Variants in SIN3A observed in about 807,000 individuals in gnomAD.
SIN3A encodes paired amphipathic helix protein Sin3a.
SIN3A carries 14 observed loss-of-function variants against 146.1 expected under a neutral mutation model. That is an observed-to-expected ratio of 0.10 (90% CI 0.06 to 0.15). The LOEUF (loss-of-function observed/expected upper bound fraction) is 0.15. Ranked by LOEUF, SIN3A falls within the 10% of genes least tolerant of loss-of-function variation. SIN3A has a pLI of 1.00. For synonymous variants in SIN3A, 572 were observed against 572.0 expected (o/e 1.00, Z 0.00); for missense variants, 1,028 against 1,576.0 (o/e 0.65, Z 5.89).
intron 14 of SIN3A, among the ~76,000 whole-genome samples, chr15:75,393,038 T>C (rs1048866955): frequency 2.6e-5 from 4 of 152,150 alleles, no homozygotes; most frequent in Non-Finnish European, 2.9e-5. Flanking sequence ...GAGATCAGCC[T>C]GGCCAATATG....
chr15:75,400,903 G>T lies in SIN3A; in HGVS notation c.1564C>A (p.Leu522Met). Residue 522 changes from leucine to methionine, a missense_variant, in exon 11 of 21, where the codon CTG becomes ATG. Physicochemically the swap from Leu to Met is conservative, Grantham distance 15. Transcript: ENST00000394947. ...PELFNWFKNF[L>M]GYKESVHLET... The stretch of plus-strand genomic sequence containing the variant: ...AGATGTACAGACTCCTTATAGCCCA[G>T]AAAGTTTTTAAACCAATTAAACAAC... 1.2e-6 allele frequency: 2 copies of T among 1,613,898 alleles called. No individual in the cohort carries two copies. Among genetic ancestry groups the T allele is most frequent in the Non-Finnish European group, 1.7e-6 (2 of 1,179,998 alleles).
At chr15:75,406,057 T>C (rs1231056397) in intron 9 of SIN3A, among the ~76,000 whole-genome samples, 12 of 152,110 alleles carry the variant, frequency 7.9e-5, no homozygotes, top group Admixed American at 7.9e-4. Flanking sequence ...ATCACGGAGA[T>C]GTTAAATCAT....
At chr15:75,455,321 G>A (rs1026093759), upstream of SIN3A, among the ~76,000 whole-genome samples, 2 of 152,142 alleles carry the variant, frequency 1.3e-5, no homozygotes, top group Non-Finnish European at 1.5e-5. Context: ...GCCGCCCCCT[G>A]CCGAGCCCGC....
In SIN3A at chr15:75,369,519, GT is replaced by G. The variant is rs2072686269; in HGVS notation, c.*2459del. Reference sequence around the variant, plus strand: ...TGCTGCTGCATATAATACAGGTTGGGTTTAGAGCTTGGAGCTCAGATGTCAG... The same window carrying G: ...TGCTGCTGCATATAATACAGGTTGGGTTAGAGCTTGGAGCTCAGATGTCAG... On this transcript the variant is annotated 3_prime_UTR_variant, in exon 21 of 21. Coordinates refer to ENST00000394947, the MANE Select transcript of SIN3A (RefSeq NM_001145358.2). The G allele has an allele frequency of 6.6e-6, 1 of 152,238 alleles. No individual in the cohort carries two copies. The highest frequency in any genetic ancestry group is 2.1e-4 in the South Asian group (1 of 4,834). 9.4% of individuals were successfully genotyped at this position (152,238 alleles called of 1,614,324 possible).
intron 12 of SIN3A, 78 bp downstream of exon 12, chr15:75,399,962 A>C (rs4886699): frequency 0.31 from 245,004 of 797,980 alleles, 41,962 homozygotes; most frequent in African/African-American, 0.55. Context: ...CATCTTAATA[A>C]CCCTCAGAGA....
intron 1 of SIN3A, among the ~76,000 whole-genome samples, chr15:75,434,470 T>C (rs2074067601): frequency 1.3e-5 from 2 of 151,844 alleles, no homozygotes. Context: ...GCCAACATGG[T>C]GAAACCCTCC....
rs1050575198 is a variant in SIN3A, at chr15:75,422,248, G to A, written c.366+399C>T. 17 of 307,384 alleles carry A rather than the reference G, an allele frequency of 5.5e-5. No individual in the cohort carries two copies. In the East Asian group the frequency reaches 9.3e-4, roughly 17 times the overall value. The allele number at this position is 307,384 out of a possible 1,614,324, so 19.0% of individuals were successfully genotyped here. A position where few individuals can be genotyped will look rare whatever the true frequency, so the allele number is the denominator to read the frequency against. On this transcript the variant is annotated intron_variant, in intron 3 of 20. Coordinates refer to ENST00000394947, the MANE Select transcript of SIN3A (RefSeq NM_001145358.2). ...AAAAACTAAAAAAAAAAATTTTTAA[G>A]AATTTAAAAAGATTGAACTGTAAGA...
At chr15:75,405,707 C>A (rs746329527) in intron 9 of SIN3A, among the ~76,000 whole-genome samples, 7 of 152,148 alleles carry the variant, frequency 4.6e-5, no homozygotes, top group Middle Eastern at 6.8e-3. Flanking sequence ...GCCAAGATTG[C>A]GCCATTGCAC....
chr15:75,374,565 T>C (rs2072817867), intron 20 of SIN3A, among the ~76,000 whole-genome samples: 1 of 152,228 alleles, frequency 6.6e-6, no homozygotes, highest in Admixed American at 6.5e-5. Context: ...CTTTGTCAAA[T>C]GTCCCAGTGC....
upstream of SIN3A, among the ~76,000 whole-genome samples, chr15:75,454,222 G>A (rs139658622): frequency 7.8e-3 from 1,190 of 152,242 alleles, 11 homozygotes; most frequent in Non-Finnish European, 0.013. Flanking sequence ...GAGCTCGGGA[G>A]AATGTCATCC....
At chr15:75,376,028 T>G in intron 19 of SIN3A, 156 bp from the exon 20 acceptor site, 1 of 703,256 alleles carries the variant, frequency 1.4e-6, no homozygotes, top group Non-Finnish European at 2.4e-6. Flanking sequence ...GCAAAAAAAA[T>G]TTCAACTGCA....
Position 75,392,312 on chromosome 15 carries a change from T to A in SIN3A, c.2781A>T (p.Glu927Asp). The A allele has an allele frequency of 6.2e-7, 1 of 1,614,238 alleles. No homozygotes were observed. Among genetic ancestry groups the A allele is most frequent in the Non-Finnish European group, 8.5e-7 (1 of 1,180,040 alleles). ...IEEENREREW[E>D]REVLGIKRDK... ...CTCGCTTTATGCCCAGCACTTCCCG[T>A]TCCCATTCTCTCTCTCGGTTTTCTT... Residue 927 changes from glutamate (E) to aspartate (D), a missense_variant, in exon 15 of 21, where the codon GAA (glutamate) becomes GAT (aspartate). Physicochemically the swap from Glu to Asp is conservative, Grantham distance 45 (BLOSUM62 2). Around this residue, in one of 9 missense-constraint regions of SIN3A, gnomAD observed 488 missense variants for 690.2 expected, o/e 0.71. Coordinates refer to ENST00000394947, the MANE Select transcript of SIN3A (RefSeq NM_001145358.2).
At chr15:75,372,735 C>G (rs2072775787) in intron 20 of SIN3A, among the ~76,000 whole-genome samples, 1 of 149,778 alleles carries the variant, frequency 6.7e-6, no homozygotes, top group African/African-American at 2.5e-5. Flanking sequence ...GTGGGAGGAT[C>G]GCTTGAGCCA....
intron 3 of SIN3A, 28 bp from the exon 4 acceptor site, chr15:75,414,339 T>C (rs776479577): frequency 7.8e-7 from 1 of 1,277,348 alleles, no homozygotes. Context: ...ATCAAGGTTA[T>C]AAAAAGAAAG....
In SIN3A at chr15:75,414,197, T is replaced by A; in HGVS notation, c.473+8A>T. 7.0e-7 allele frequency: 1 copy of A among 1,428,506 alleles called. No individual in the cohort carries two copies. The highest frequency in any genetic ancestry group is 9.6e-7 in the Non-Finnish European group (1 of 1,037,290). 88.5% of individuals were successfully genotyped at this position (1,428,506 alleles called of 1,614,324 possible). Reference sequence around the variant, plus strand: ...TACAAAGCTTGAGTACAATCACACATCTTTTACCTCTGAGATTTAAATTCC... The same window carrying A: ...TACAAAGCTTGAGTACAATCACACAACTTTTACCTCTGAGATTTAAATTCC... On this transcript the variant is annotated splice_region_variant and intron_variant, in intron 4 of 20. Coordinates refer to ENST00000394947, the MANE Select transcript of SIN3A (RefSeq NM_001145358.2).
chr15:75,373,510 A>G (rs912496074), intron 20 of SIN3A, among the ~76,000 whole-genome samples: 2 of 152,184 alleles, frequency 1.3e-5, no homozygotes, highest in Admixed American at 6.5e-5. Flanking sequence ...CAAGATGAGA[A>G]TAAGGACCCT....
intron 1 of SIN3A, among the ~76,000 whole-genome samples, chr15:75,448,417 C>A (rs2074345968): frequency 6.6e-6 from 1 of 151,486 alleles, no homozygotes; most frequent in Non-Finnish European, 1.5e-5. Flanking sequence ...TCGCTAGAAC[C>A]CGGGAGGCGG....
chr15:75,396,503 A>G lies in SIN3A; in HGVS notation c.1855-7T>C. On this transcript the variant is annotated splice_polypyrimidine_tract_variant and splice_region_variant and intron_variant, in intron 12 of 20. Coordinates refer to ENST00000394947, the MANE Select transcript of SIN3A (RefSeq NM_001145358.2). ...TCTCTAAAACTACATCAAGCTGAAG[A>G]GGAAGACAAAGAAGGGTATGCTCAG... The G allele has an allele frequency of 6.3e-7, 1 of 1,596,890 alleles. No individual in the cohort carries two copies. Among genetic ancestry groups the G allele is most frequent in the Non-Finnish European group, 8.6e-7 (1 of 1,165,432 alleles).
At chr15:75,430,645 G>A (rs2073998624) in intron 1 of SIN3A, among the ~76,000 whole-genome samples, 1 of 152,172 alleles carries the variant, frequency 6.6e-6, no homozygotes, top group Non-Finnish European at 1.5e-5. Flanking sequence ...TTGGTATTAT[G>A]AAGTTGAAAA....
Sources: gnomAD v4.1 joint callset for allele counts (sites outside exome capture counted in the v4.1 genomes callset) on GRCh38, gnomAD v4.1.1 for gene constraint, gnomAD v4.1.1 regional missense constraint, MANE v1.5 for transcripts, NCBI Gene and HGNC (gene_info 2026-07-23, HGNC 2026-07-21) for gene names.